The following RNF31 variants were observed in gnomAD, a reference collection of about 807,000 sequenced individuals.
The protein encoded by RNF31 is E3 ubiquitin-protein ligase RNF31.
Under a neutral mutation model 133.6 loss-of-function variants are expected in RNF31, and 38 were observed. That is an observed-to-expected ratio of 0.28 (90% CI 0.22 to 0.37). The LOEUF (loss-of-function observed/expected upper bound fraction) is 0.37, where lower values mean the gene tolerates loss of function less well. RNF31 is among the 10% of genes least tolerant of loss of function. The pLI, the probability that RNF31 is intolerant of heterozygous loss-of-function variation, is 1.00. For missense variants in RNF31, 1,118 were observed against 1,394.1 expected (o/e 0.80, Z 3.15); for synonymous variants, 582 against 552.3 (o/e 1.05, Z -0.75).
chr14:24,155,742 A>G lies in RNF31; in HGVS notation c.2493+50A>G, dbSNP rs781288673. The G allele has an allele frequency of 6.6e-7, 1 of 1,510,908 alleles. No individual in the cohort carries two copies. The highest frequency in any genetic ancestry group is 1.7e-5 in the Admixed American group (1 of 59,856). The allele number at this position is 1,510,908 out of a possible 1,614,324, so 93.6% of individuals were successfully genotyped here. ...AATACTTGCTGAGCTACTGCCAGGT[A>G]CTGTGTTAGACTCAGGGGAGTTTGT... On this transcript the variant is annotated intron_variant, in intron 14 of 20. Transcript: ENST00000324103. This position sits in a 1 kb window ranked among gnomAD's most constrained non-coding sequence, Gnocchi z 4.9.
rs2038430548 is a variant in RNF31 at position 24,160,482 on chromosome 14, A to G, written c.3166-38A>G. Reference sequence around the variant, plus strand: ...CTGGTGCTGACTGTGTCTGAGCTCCAGGCTTCCAATATCATTACCTTCTCT... The same window carrying G: ...CTGGTGCTGACTGTGTCTGAGCTCCGGGCTTCCAATATCATTACCTTCTCT... On this transcript the variant is annotated intron_variant, in intron 20 of 20. Coordinates refer to ENST00000324103, the MANE Select transcript of RNF31 (RefSeq NM_017999.5). This position sits in a 1 kb window ranked among gnomAD's most constrained non-coding sequence, Gnocchi z 4.0. 5.1e-6 allele frequency: 8 copies of G among 1,571,158 alleles called. No homozygotes were observed. The highest frequency in any genetic ancestry group is 6.9e-6 in the Non-Finnish European group (8 of 1,154,076).
intron 7 of RNF31, 22 bp from the exon 8 acceptor site, chr14:24,150,576 A>T (rs758121288): frequency 1.9e-6 from 3 of 1,600,022 alleles, no homozygotes; most frequent in Non-Finnish European, 2.6e-6. Flanking sequence ...AGTCAAAGGG[A>T]TAATTCTCTC....
chr14:24,157,814 CT>C, intron 16 of RNF31, 83 bp from the exon 17 acceptor site: 1 of 1,224,212 alleles, frequency 8.2e-7, no homozygotes. Flanking sequence ...TCCCCTCACC[CT>C]TACACCCCTC....
chr14:24,149,243 A>G (rs1386665378), intron 5 of RNF31, 163 bp from the exon 6 acceptor site: 4 of 732,318 alleles, frequency 5.5e-6, no homozygotes, highest in South Asian at 1.9e-5. Flanking sequence ...GATTACCTGC[A>G]TGAGCCACCA....
rs753844363 is a variant in RNF31 at position 24,158,163 on chromosome 14, A to G, written c.2863A>G (p.Thr955Ala). The change falls in exon 18 of 21, where the codon ACA becomes GCA. Residue 955 changes from threonine (T) to alanine (A), a missense_variant. This residue lies in a region of RNF31 where 170 missense variants were observed against 194.5 expected (regional missense o/e 0.87). Coordinates refer to ENST00000324103, the MANE Select transcript of RNF31 (RefSeq NM_017999.5). ...TCAGGACAATAACGTCATGTTTAAT[A>G]CAGAGCCTCCAGCTGGGGCCCGGGC... The part of the protein sequence containing the change: ...LLQDNNVMFN[T>A]EPPAGARAVP... The G allele has an allele frequency of 4.3e-6, 7 of 1,614,218 alleles. No homozygotes were observed. In the South Asian group the frequency reaches 7.7e-5, roughly 18 times the overall value.
In RNF31 at chr14:24,155,618, A is replaced by G; in HGVS notation, c.2419A>G (p.Ile807Val). 6.2e-7 allele frequency: 1 copy of G among 1,614,178 alleles called. No homozygotes were observed. Among genetic ancestry groups the G allele is most frequent in the Non-Finnish European group, 8.5e-7 (1 of 1,180,032 alleles). The change falls in exon 14 of 21, where the codon ATA becomes GTA. Residue 807 changes from isoleucine (I) to valine (V), a missense_variant. By Grantham distance (29) the Ile-to-Val change is conservative. Coordinates refer to ENST00000324103, the MANE Select transcript of RNF31 (RefSeq NM_017999.5). The surrounding 1 kb of genome is among the most constrained non-coding windows in gnomAD (Gnocchi z 4.9). ...GCACTTCCAGTGCTCCTTTGGCTTC[A>G]TATATGAGCGTGAGCAGCTGGAGGC... ...LWCAQCSFGF[I>V]YEREQLEATC...
Position 24,156,972 on chromosome 14 carries a change from CAG to C in RNF31, c.2494-312_2494-311del, listed in dbSNP as rs199938842. ...ACCCTAGGGGAGCAGGAATGGGAAA[CAG>C]AGAGACTAGTAACCGAGGCAAGCAA... On this transcript the variant is annotated intron_variant, in intron 14 of 20. Transcript: ENST00000324103. 6.0e-3 allele frequency among the ~76,000 whole-genome samples: 919 copies of C among 152,122 alleles called. 7 individuals are homozygous for C. Among genetic ancestry groups the C allele is most frequent in the Non-Finnish European group, 8.2e-3 (556 of 68,006 alleles).
In RNF31 at chr14:24,147,789, C is replaced by G; in HGVS notation, c.91C>G (p.Leu31Val). ...GAGGGATTCCGGGCAGGCGTTTTCC[C>G]TGGAGCAGCTCCGGCCGCTACTAGC... ...LRRDSGQAFS[L>V]EQLRPLLASS... Residue 31 changes from leucine to valine, a missense_variant, in exon 1 of 21, where the codon CTG (leucine) becomes GTG (valine). This residue lies in a region of RNF31 where 747 missense variants were observed against 827.9 expected (regional missense o/e 0.90). Coordinates refer to ENST00000324103, the MANE Select transcript of RNF31 (RefSeq NM_017999.5). The G allele has an allele frequency of 6.3e-7, 1 of 1,590,286 alleles. No homozygotes were observed. The highest frequency in any genetic ancestry group is 1.1e-5 in the South Asian group (1 of 88,474).
chr14:24,151,940 G>T lies in RNF31; in HGVS notation c.2078G>T (p.Arg693Leu). 1.2e-6 allele frequency: 2 copies of T among 1,614,152 alleles called. No individual in the cohort carries two copies. Among genetic ancestry groups the T allele is most frequent in the Non-Finnish European group, 1.7e-6 (2 of 1,180,018 alleles). ...RHSQDRAFLR[R>L]LLAQECAVCG... ...AGCCAGGACCGGGCCTTCCTGCGCC[G>T]CTTGCTTGCCCAGGAGTGTGCCGTG... Residue 693 changes from arginine (R) to leucine (L), a missense_variant, in exon 11 of 21, where the codon CGC becomes CTC. By Grantham distance (102) the Arg-to-Leu change is moderately radical. Around this residue, in one of 3 missense-constraint regions of RNF31, gnomAD observed 201 missense variants for 371.7 expected, o/e 0.54. Transcript: ENST00000324103. This position sits in a 1 kb window ranked among gnomAD's most constrained non-coding sequence, Gnocchi z 5.3.
At chr14:24,159,982 G>A in intron 19 of RNF31, 22 bp downstream of exon 19, 1 of 1,606,288 alleles carries the variant, frequency 6.2e-7, no homozygotes, top group East Asian at 2.2e-5. Flanking sequence ...CAGGACATGG[G>A]CATGGTGTTG....
At position 24,148,137 on chromosome 14, in the gene RNF31, C is replaced by T. The variant is rs1283881008; in HGVS notation, c.339+15C>T. ...ATGCTGTGCAGGTGAATCCCCTGGC[C>T]TTATGGGAGAGGGGGCTGGGGTTTG... On this transcript the variant is annotated intron_variant, in intron 2 of 20. Coordinates refer to ENST00000324103, the MANE Select transcript of RNF31 (RefSeq NM_017999.5). 5.6e-6 allele frequency: 9 copies of T among 1,614,040 alleles called. No homozygotes were observed. Among genetic ancestry groups the T allele is most frequent in the Middle Eastern group, 1.6e-4 (1 of 6,062 alleles).
upstream of RNF31, chr14:24,147,334 T>G (rs979009946): frequency 4.7e-6 from 1 of 211,156 alleles, no homozygotes; most frequent in African/African-American, 2.3e-5. Context: ...TGAGGGAAGA[T>G]GCTGGCGCGC....
In RNF31 at chr14:24,155,826, G is replaced by C. The variant is rs2038334158; in HGVS notation, c.2493+134G>C. 11 of 686,908 alleles carry C rather than the reference G, an allele frequency of 1.6e-5. No homozygotes were observed. In the South Asian group the frequency reaches 1.8e-4, roughly 11 times the overall value. 42.6% of individuals were successfully genotyped at this position (686,908 alleles called of 1,614,324 possible). A position where few individuals can be genotyped will look rare whatever the true frequency, so the allele number is the denominator to read the frequency against. ...GTCAAAAGAGCTTACAGACTACTCAGAAAGACTAGGCACAAGGAGAAAGGG... is the reference window on the plus strand; with the variant it reads ...GTCAAAAGAGCTTACAGACTACTCACAAAGACTAGGCACAAGGAGAAAGGG... On this transcript the variant is annotated intron_variant, in intron 14 of 20. Coordinates refer to ENST00000324103, the MANE Select transcript of RNF31 (RefSeq NM_017999.5). This position sits in a 1 kb window ranked among gnomAD's most constrained non-coding sequence, Gnocchi z 4.9.
Position 24,155,997 on chromosome 14 carries a change from G to A in RNF31, c.2493+305G>A, listed in dbSNP as rs2038336182. ...AGGAACCTGAGATCAGGGTAACAGAGTGGACCTACTTAGGGTAGAGAGGTC... is the reference window on the plus strand; with the variant it reads ...AGGAACCTGAGATCAGGGTAACAGAATGGACCTACTTAGGGTAGAGAGGTC... On this transcript the variant is annotated intron_variant, in intron 14 of 20. Coordinates refer to ENST00000324103, the MANE Select transcript of RNF31 (RefSeq NM_017999.5). The surrounding 1 kb of genome is among the most constrained non-coding windows in gnomAD (Gnocchi z 4.9). Among the ~76,000 whole-genome samples, 1 of 152,338 alleles carries A rather than the reference G, an allele frequency of 6.6e-6. No homozygotes were observed. Among genetic ancestry groups the A allele is most frequent in the South Asian group, 2.1e-4 (1 of 4,832 alleles).
At chr14:24,157,196 G>T in intron 14 of RNF31, 94 bp from the exon 15 acceptor site, 1 of 886,068 alleles carries the variant, frequency 1.1e-6, no homozygotes, top group Admixed American at 2.8e-5. Context: ...CATAAACCAA[G>T]CTGGGGAACC....
At chr14:24,147,125 C>A, upstream of RNF31, 1 of 168,008 alleles carries the variant, frequency 6.0e-6, no homozygotes, top group Non-Finnish European at 1.3e-5. Flanking sequence ...GGAGATGGGG[C>A]GGGACTCGCT....
rs2139088236 is a variant in RNF31, at chr14:24,155,708, C to T, written c.2493+16C>T. 6.2e-7 allele frequency: 1 copy of T among 1,609,612 alleles called. No individual in the cohort carries two copies. The highest frequency in any genetic ancestry group is 8.5e-7 in the Non-Finnish European group (1 of 1,176,220). ...CAAGCGCCAGGTGAGGCACATTCAT[C>T]CTTTCAGAAATACTTGCTGAGCTAC... is the stretch of plus-strand genomic sequence containing the variant. On this transcript the variant is annotated intron_variant, in intron 14 of 20. Transcript: ENST00000324103. The surrounding 1 kb of genome is among the most constrained non-coding windows in gnomAD (Gnocchi z 4.9).
intron 16 of RNF31, 74 bp from the exon 17 acceptor site, chr14:24,157,824 T>A: frequency 1.5e-6 from 2 of 1,304,344 alleles, no homozygotes; most frequent in Non-Finnish European, 2.2e-6. Context: ...CTTACACCCC[T>A]CACGCAGGGG....
Position 24,148,422 on chromosome 14 carries a change from C to G in RNF31, c.495+9C>G. On this transcript the variant is annotated intron_variant, in intron 3 of 20. Transcript: ENST00000324103. The stretch of plus-strand genomic sequence containing the variant: ...TCAGCCTGCTATTGCAGGTGAGATG[C>G]TCCTCTAGTCTTGATGGACTTATGC... 2 of 1,613,366 alleles carry G rather than the reference C, an allele frequency of 1.2e-6. No homozygotes were observed. Among genetic ancestry groups the G allele is most frequent in the East Asian group, 4.5e-5 (2 of 44,884 alleles).
Sources: allele counts gnomAD v4.1 joint callset (sites outside exome capture counted in the v4.1 genomes callset), GRCh38; gene constraint gnomAD v4.1.1; regional missense constraint gnomAD v4.1.1; non-coding constraint Gnocchi (gnomAD v3.1); transcripts MANE v1.5; gene names NCBI Gene and HGNC (gene_info 2026-07-23, HGNC 2026-07-21).